Variants in BLM observed in about 807,000 individuals in gnomAD.
BLM encodes the protein recQ-like DNA helicase BLM.
Under a neutral mutation model 135.3 loss-of-function variants are expected in BLM, and 95 were observed. The ratio of observed to expected loss-of-function variants is 0.70; its 90% confidence interval spans 0.59 to 0.83. The LOEUF (loss-of-function observed/expected upper bound fraction) is 0.83. Ranked by LOEUF, BLM falls within the 40% of genes least tolerant of loss-of-function variation. BLM has a pLI of 0.00. For missense variants in BLM, 1,518 were observed against 1,663.9 expected, an observed-to-expected ratio of 0.91 and a Z score of 1.53; for synonymous variants, 520 against 589.2, an observed-to-expected ratio of 0.88 and a Z score of 1.70.
chr15:90,747,546 C>A, intron 2 of BLM, 56 bp downstream of exon 2: 2 of 1,058,952 alleles, frequency 1.9e-6, no homozygotes, highest in Non-Finnish European at 2.9e-6. Flanking sequence ...ACATTGTACA[C>A]ATGAGATATC....
rs758696992 is a variant in BLM, at chr15:90,782,928, T to C, written c.2662T>C (p.Tyr888His). 2.5e-6 allele frequency: 4 copies of C among 1,603,290 alleles called. No individual in the cohort carries two copies. Among genetic ancestry groups the C allele is most frequent in the Non-Finnish European group, 3.4e-6 (4 of 1,170,264 alleles). The change falls in exon 13 of 22, where the codon TAT becomes CAT. Residue 888 changes from tyrosine (Y) to histidine (H), a missense_variant and splice_region_variant. Around this residue, in one of 5 missense-constraint regions of BLM, gnomAD observed 626 missense variants for 681.1 expected, o/e 0.92. Transcript: ENST00000355112. ...CLEWIRKHHP[Y>H]DSGIIYCLSR... ...AGAATGGATCAGAAAGCACCACCCATGTGAGTACAGCCATGTGATTAGCTG... is the reference window on the plus strand; with the variant it reads ...AGAATGGATCAGAAAGCACCACCCACGTGAGTACAGCCATGTGATTAGCTG...
intron 16 of BLM, among the ~76,000 whole-genome samples, chr15:90,797,845 C>G (rs3213195): frequency 0.17 from 25,231 of 152,146 alleles, 2,185 homozygotes; most frequent in Non-Finnish European, 0.19. Flanking sequence ...ACGTGGCACC[C>G]CACAGGTTCC....
intron 1 of BLM, among the ~76,000 whole-genome samples, chr15:90,723,182 A>G (rs1466611572): frequency 6.6e-6 from 1 of 152,036 alleles, no homozygotes; most frequent in Non-Finnish European, 1.5e-5. Context: ...TCTTGTCTTC[A>G]TAGTTTGCCC....
At chr15:90,757,143 C>A (rs1761770433) in intron 5 of BLM, among the ~76,000 whole-genome samples, 1 of 152,150 alleles carries the variant, frequency 6.6e-6, no homozygotes, top group South Asian at 2.1e-4. Context: ...CACAAAGCAG[C>A]TATTTGATAA....
chr15:90,723,192 C>T (rs563883594), intron 1 of BLM, among the ~76,000 whole-genome samples: 3 of 152,172 alleles, frequency 2.0e-5, no homozygotes, highest in Non-Finnish European at 4.4e-5. Context: ...ATAGTTTGCC[C>T]TGATCTATAC....
chr15:90,808,549 T>TGGC (rs1465645675), intron 19 of BLM, among the ~76,000 whole-genome samples: 3 of 152,178 alleles, frequency 2.0e-5, no homozygotes, highest in Non-Finnish European at 4.4e-5. Flanking sequence ...GCAGCCAGGG[T>TGGC]GGCCTTTAAA....
rs772176483 is a variant in BLM, at chr15:90,760,159, G to A, written c.1100G>A (p.Ser367Asn). The A allele has an allele frequency of 3.7e-6, 6 of 1,610,578 alleles. No individual in the cohort carries two copies. The East Asian group carries it at 1.3e-4, about 36-fold the overall frequency. The change falls in exon 6 of 22, where the codon AGT (serine) becomes AAT (asparagine). Residue 367 changes from serine to asparagine, a missense_variant. Transcript: ENST00000355112. ...TSTDCDARQI[S>N]LQQQLIHVME... ...AATTATTTTATAGCTAGACAGATAA[G>A]TTTACAGCAGCAGCTTATTCATGTG...
At chr15:90,752,224 G>A (rs1249054579) in intron 4 of BLM, among the ~76,000 whole-genome samples, 1 of 151,056 alleles carries the variant, frequency 6.6e-6, no homozygotes, top group African/African-American at 2.4e-5. Flanking sequence ...CACCCAGGCT[G>A]GAGTGAAGTG....
chr15:90,811,807 AC>A (rs879308056), intron 21 of BLM, among the ~76,000 whole-genome samples: 1 of 151,712 alleles, frequency 6.6e-6, no homozygotes, highest in Non-Finnish European at 1.5e-5. Flanking sequence ...CCAGGTGTAT[AC>A]CATCACTCCT....
At chr15:90,743,467 A>G (rs1895421865) in intron 1 of BLM, among the ~76,000 whole-genome samples, 2 of 152,032 alleles carry the variant, frequency 1.3e-5, no homozygotes, top group Non-Finnish European at 2.9e-5. Context: ...AAACTTCACT[A>G]GCCTCAATTT....
intron 12 of BLM, among the ~76,000 whole-genome samples, chr15:90,774,757 C>T (rs1254798978): frequency 6.8e-6 from 1 of 147,462 alleles, no homozygotes; most frequent in Non-Finnish European, 1.5e-5. Flanking sequence ...TTGCTTGAAA[C>T]CAGAAAGTGG....
intron 12 of BLM, among the ~76,000 whole-genome samples, chr15:90,781,558 A>G (rs1896617131): frequency 6.6e-6 from 1 of 152,122 alleles, no homozygotes. Context: ...CCCAGGAGGT[A>G]GAGGTTGCAG....
intron 3 of BLM, among the ~76,000 whole-genome samples, 175 bp from the exon 4 acceptor site, chr15:90,751,612 A>G (rs1345977294): frequency 6.6e-6 from 1 of 152,260 alleles, no homozygotes; most frequent in Non-Finnish European, 1.5e-5. Flanking sequence ...TTGACTCAAT[A>G]GTAATCATTT....
At chr15:90,735,515 A>C (rs1895191297) in intron 1 of BLM, among the ~76,000 whole-genome samples, 1 of 151,940 alleles carries the variant, frequency 6.6e-6, no homozygotes, top group Admixed American at 6.6e-5. Flanking sequence ...GAAAGTCAAT[A>C]ATTAGTCTCC....
At chr15:90,737,417 G>C (rs1895248462) in intron 1 of BLM, among the ~76,000 whole-genome samples, 1 of 152,118 alleles carries the variant, frequency 6.6e-6, no homozygotes, top group South Asian at 2.1e-4. Context: ...CTAATGGCCA[G>C]GTCTTAGATT....
At chr15:90,784,774 A>C in intron 13 of BLM, 147 bp from the exon 14 acceptor site, 1 of 835,706 alleles carries the variant, frequency 1.2e-6, no homozygotes, top group Admixed American at 2.5e-5. Context: ...TCCTTGCTTG[A>C]ATTATTCACG....
chr15:90,751,761 T>G (rs1895689355), intron 3 of BLM, 26 bp from the exon 4 acceptor site: 1 of 1,596,044 alleles, frequency 6.3e-7, no homozygotes. Flanking sequence ...TTAACAAATC[T>G]ATGTTTATCA....
chr15:90,767,500 G>A (rs1166180618), intron 10 of BLM, among the ~76,000 whole-genome samples: 1 of 152,130 alleles, frequency 6.6e-6, no homozygotes, highest in Non-Finnish European at 1.5e-5. Context: ...TCGTGATTTT[G>A]AAGTTTTTGA....
chr15:90,747,501 T>A lies in BLM; in HGVS notation c.98+11T>A. The A allele has an allele frequency of 6.4e-7, 1 of 1,558,606 alleles. No homozygotes were observed. The highest frequency in any genetic ancestry group is 8.8e-7 in the Non-Finnish European group (1 of 1,135,796). On this transcript the variant is annotated intron_variant, in intron 2 of 21. Transcript: ENST00000355112. ...AAAACCAAAATTTTCGTAAGTGTTT[T>A]GACTGGTTTGCTGTCACATAGGCAC... is the stretch of plus-strand genomic sequence containing the variant.
Sources: allele counts gnomAD v4.1 joint callset (sites outside exome capture counted in the v4.1 genomes callset), GRCh38; gene constraint gnomAD v4.1.1; regional missense constraint gnomAD v4.1.1; transcripts MANE v1.5; gene names NCBI Gene and HGNC (gene_info 2026-07-23, HGNC 2026-07-21).